TK2: variants seen among roughly 807,000 people sequenced by gnomAD.
TK2 encodes thymidine kinase 2, mitochondrial.
In TK2, 35 loss-of-function variants were observed where a neutral mutation model predicts 41.9. The observed-to-expected ratio is 0.84, with a 90% CI of 0.64 to 1.11. The LOEUF is 1.11. TK2 is among the 50% of genes least tolerant of loss of function. The pLI, the probability that TK2 is intolerant of heterozygous loss-of-function variation, is 0.00. For missense variants in TK2, 320 were observed against 351.1 expected (o/e 0.91, Z 0.71); for synonymous variants, 128 against 129.1 (o/e 0.99, Z 0.06).
intron 3 of TK2, among the ~76,000 whole-genome samples, 158 bp from the exon 4 acceptor site, chr16:66,537,175 C>T (rs1370997264): frequency 2.0e-5 from 3 of 152,162 alleles, no homozygotes; most frequent in Admixed American, 2.0e-4. Flanking sequence ...TGACAACCCC[C>T]GTGAGGTCAC....
intron 6 of TK2, among the ~76,000 whole-genome samples, chr16:66,528,153 G>C (rs554074983): frequency 6.2e-4 from 94 of 152,342 alleles, no homozygotes; most frequent in African/African-American, 2.0e-3. Context: ...CTGCAGATGA[G>C]AGTGGGAGGA....
In TK2 at chr16:66,531,461, C is replaced by T; in HGVS notation, c.294G>A (p.Met98Ile). 6.2e-7 allele frequency: 1 copy of T among 1,614,162 alleles called. No homozygotes were observed. Among genetic ancestry groups the T allele is most frequent in the Non-Finnish European group, 8.5e-7 (1 of 1,180,026 alleles). ...GACCCCAGCGAGAGGCATCGTGGTACATCAGGCCCTGCAGAAGGGAAAACA... is the reference window on the plus strand; with the variant it reads ...GACCCCAGCGAGAGGCATCGTGGTATATCAGGCCCTGCAGAAGGGAAAACA... ...NVRGHNPLGL[M>I]YHDASRWGLT... The change falls in exon 5 of 10, where the codon ATG becomes ATA. Residue 98 changes from methionine (M) to isoleucine (I), a missense_variant. Met to Ile is a conservative substitution (Grantham distance 10). Coordinates refer to ENST00000544898, the MANE Select transcript of TK2 (RefSeq NM_004614.5).
upstream of TK2, chr16:66,550,136 T>C (rs1176169395): frequency 1.2e-5 from 20 of 1,612,454 alleles, no homozygotes; most frequent in Non-Finnish European, 1.6e-5. Context: ...AGTCCAGCCG[T>C]TGGGCGCCGC....
chr16:66,528,236 C>A (rs2144397070), intron 6 of TK2, among the ~76,000 whole-genome samples: 1 of 152,248 alleles, frequency 6.6e-6, no homozygotes, highest in African/African-American at 2.4e-5. Flanking sequence ...GCGGCAGGGA[C>A]AGGTGGGGTC....
rs902558566 is a variant in TK2, at chr16:66,514,612, C to A, written c.619-801G>T. On this transcript the variant is annotated intron_variant, in intron 8 of 9. Coordinates refer to ENST00000544898, the MANE Select transcript of TK2 (RefSeq NM_004614.5). This position sits in a 1 kb window ranked among gnomAD's most constrained non-coding sequence, Gnocchi z 4.2. The stretch of plus-strand genomic sequence containing the variant: ...AGGATGTGAGGACCCCTCTGCCCGG[C>A]CGCTCAGTCTGGGAAGTGAGGAGCC... Among the ~76,000 whole-genome samples, 2 of 152,098 alleles carry A rather than the reference C, an allele frequency of 1.3e-5. No individual in the cohort carries two copies. Among genetic ancestry groups the A allele is most frequent in the Non-Finnish European group, 2.9e-5 (2 of 67,994 alleles).
At chr16:66,548,537 C>A in intron 2 of TK2, 1 of 229,294 alleles carries the variant, frequency 4.4e-6, no homozygotes, top group Non-Finnish European at 8.8e-6. Context: ...GATAACTGAA[C>A]CCACATCTGT....
At chr16:66,549,074 C>G in intron 1 of TK2, 65 bp from the exon 2 acceptor site, 1 of 1,606,346 alleles carries the variant, frequency 6.2e-7, no homozygotes, top group Non-Finnish European at 8.5e-7. Flanking sequence ...CCCTAATTTG[C>G]TACATGACCA....
Position 66,517,758 on chromosome 16 carries a change from A to T in TK2, c.538+31T>A, listed in dbSNP as rs1434280456. On this transcript the variant is annotated intron_variant, in intron 7 of 9. Coordinates refer to ENST00000544898, the MANE Select transcript of TK2 (RefSeq NM_004614.5). The surrounding 1 kb of genome is among the most constrained non-coding windows in gnomAD (Gnocchi z 4.3). ...TCCTCAAGGGACCCAGGAGAGAGAC[A>T]AGAGAGGGAGGTGGGAGGGGTGCAT... The T allele has an allele frequency of 6.2e-7, 1 of 1,605,064 alleles. No homozygotes were observed. The highest frequency in any genetic ancestry group is 1.3e-5 in the African/African-American group (1 of 74,714).
At chr16:66,515,189 G>A (rs560943390) in intron 8 of TK2, among the ~76,000 whole-genome samples, 3 of 149,408 alleles carry the variant, frequency 2.0e-5, no homozygotes, top group Admixed American at 2.0e-4. Context: ...AAAAAAGGCA[G>A]GACCCACACC....
chr16:66,512,166 G>A (rs1198136508), intron 9 of TK2, 100 bp from the exon 10 acceptor site: 4 of 1,076,842 alleles, frequency 3.7e-6, no homozygotes, highest in Admixed American at 1.8e-5. Context: ...GCAGGGGGCA[G>A]GGAAGGGCAC....
intron 6 of TK2, among the ~76,000 whole-genome samples, chr16:66,527,592 G>A (rs1211375605): frequency 1.3e-5 from 2 of 151,878 alleles, no homozygotes; most frequent in South Asian, 2.1e-4. Flanking sequence ...CTTATGGTCC[G>A]GGGGGGTGGG....
chr16:66,549,271 T>C (rs1965706375), intron 1 of TK2: 1 of 1,296,852 alleles, frequency 7.7e-7, no homozygotes, highest in Admixed American at 3.5e-5. Context: ...ATTTTCCACG[T>C]TATTTATTTA....
intron 4 of TK2, among the ~76,000 whole-genome samples, chr16:66,535,870 T>G (rs898808663): frequency 7.2e-5 from 11 of 152,014 alleles, no homozygotes; most frequent in Non-Finnish European, 7.4e-5. Flanking sequence ...GAACTCAGAG[T>G]CTAATGAACC....
chr16:66,513,164 G>A (rs761995506), intron 9 of TK2, among the ~76,000 whole-genome samples: 3 of 152,138 alleles, frequency 2.0e-5, no homozygotes, highest in Admixed American at 1.3e-4. Flanking sequence ...AAATGCTGAC[G>A]GGACAGACAC....
intron 6 of TK2, among the ~76,000 whole-genome samples, chr16:66,518,953 T>C (rs1345667455): frequency 1.3e-5 from 2 of 152,010 alleles, no homozygotes; most frequent in Non-Finnish European, 2.9e-5. Context: ...TATTTTAGTT[T>C]TTATTTATTT....
chr16:66,511,556 C>G lies in TK2; in HGVS notation c.*412G>C, dbSNP rs1200306168. The G allele has an allele frequency of 6.0e-6, 2 of 331,246 alleles. No homozygotes were observed. The highest frequency in any genetic ancestry group is 4.3e-5 in the Admixed American group (1 of 23,266). 20.5% of individuals were successfully genotyped at this position (331,246 alleles called of 1,614,324 possible). The stretch of plus-strand genomic sequence containing the variant: ...TGTGACCTCTGGGGAGCCCCTCAAC[C>G]TTTCTGAGCTTCAAATTCCTCACCT... On this transcript the variant is annotated 3_prime_UTR_variant, in exon 10 of 10. Transcript: ENST00000544898.
Position 66,529,031 on chromosome 16 carries a change from T to A in TK2, c.412A>T (p.Ser138Cys). The part of the protein sequence containing the change: ...SVRLMERSIH[S>C]ARYIFVENLY... ...TTTTCTACAAAAATGTATCTTGCGCTGTGAATCGACCTCTCCATCAACCGT... is the reference window on the plus strand; with the variant it reads ...TTTTCTACAAAAATGTATCTTGCGCAGTGAATCGACCTCTCCATCAACCGT... The change falls in exon 6 of 10, where the codon AGC (serine) becomes TGC (cysteine). Residue 138 changes from serine to cysteine, a missense_variant. Coordinates refer to ENST00000544898, the MANE Select transcript of TK2 (RefSeq NM_004614.5). 6.2e-7 allele frequency: 1 copy of A among 1,614,148 alleles called. No homozygotes were observed. Among genetic ancestry groups the A allele is most frequent in the African/African-American group, 1.3e-5 (1 of 75,052 alleles).
At chr16:66,540,147 A>G (rs533036734) in intron 3 of TK2, among the ~76,000 whole-genome samples, 1 of 149,376 alleles carries the variant, frequency 6.7e-6, no homozygotes, top group East Asian at 2.0e-4. Context: ...CAAACTATAT[A>G]TATTTCTTTT....
intron 3 of TK2, among the ~76,000 whole-genome samples, chr16:66,537,998 A>C (rs1409677269): frequency 6.6e-6 from 1 of 152,094 alleles, no homozygotes; most frequent in Non-Finnish European, 1.5e-5. Flanking sequence ...CCCCATCTCT[A>C]CTAAAAATAC....
Sources: allele counts gnomAD v4.1 joint callset (sites outside exome capture counted in the v4.1 genomes callset), GRCh38; gene constraint gnomAD v4.1.1; non-coding constraint Gnocchi (gnomAD v3.1); transcripts MANE v1.5; gene names NCBI Gene and HGNC (gene_info 2026-07-23, HGNC 2026-07-21).